Variants in UEVLD observed in about 807,000 individuals in gnomAD.
UEVLD encodes the protein ubiquitin-conjugating enzyme E2 variant 3.
UEVLD carries 47 observed loss-of-function variants against 58.6 expected under a neutral mutation model. The ratio of observed to expected loss-of-function variants is 0.80; its 90% CI spans 0.63 to 1.02. The LOEUF is 1.02. Among genes scored for constraint, UEVLD ranks in the 50% least tolerant of loss-of-function variants. UEVLD has a pLI of 0.00. For missense variants in UEVLD, 510 were observed against 550.6 expected (o/e 0.93, Z 0.74); for synonymous variants, 197 against 195.3 (o/e 1.01, Z -0.07).
intron 6 of UEVLD, among the ~76,000 whole-genome samples, chr11:18,559,305 TCTC>T (rs1166476916): frequency 3.3e-5 from 5 of 152,162 alleles, no homozygotes; most frequent in Non-Finnish European, 7.4e-5. Flanking sequence ...TTCAAGCGAT[TCTC>T]CTGTCTCAGC....
At chr11:18,546,801 A>G in intron 8 of UEVLD, 79 bp downstream of exon 8, 1 of 1,537,442 alleles carries the variant, frequency 6.5e-7, no homozygotes, top group Non-Finnish European at 8.8e-7. Flanking sequence ...CAGGCCCTAA[A>G]GTTTTATGGT....
chr11:18,563,295 A>G (rs570212721), intron 6 of UEVLD, among the ~76,000 whole-genome samples: 7 of 152,128 alleles, frequency 4.6e-5, no homozygotes, highest in Admixed American at 4.6e-4. Context: ...ATTTTTTAAA[A>G]TTATGTACAA....
intron 8 of UEVLD, among the ~76,000 whole-genome samples, chr11:18,545,209 A>G (rs1411176985): frequency 6.7e-6 from 1 of 149,036 alleles, no homozygotes; most frequent in Non-Finnish European, 1.5e-5. Flanking sequence ...AGTAGCTGGG[A>G]CTATAGGCAC....
At chr11:18,587,335 A>G (rs1017126902) in intron 1 of UEVLD, among the ~76,000 whole-genome samples, 22 of 152,232 alleles carry the variant, frequency 1.4e-4, no homozygotes, top group Admixed American at 5.9e-4. Flanking sequence ...TTCCTACAAG[A>G]TCTGCACCTG....
chr11:18,584,360 G>A (rs902723524), intron 1 of UEVLD, among the ~76,000 whole-genome samples: 4 of 152,116 alleles, frequency 2.6e-5, no homozygotes, highest in African/African-American at 9.7e-5. Flanking sequence ...TCCAGCCTGG[G>A]AGACGGAGCA....
At chr11:18,559,203 T>G (rs1186250647) in intron 6 of UEVLD, among the ~76,000 whole-genome samples, 2 of 148,856 alleles carry the variant, frequency 1.3e-5, no homozygotes, top group African/African-American at 2.5e-5. Flanking sequence ...TTCTTTTCTT[T>G]TCTTTTTTTT....
chr11:18,557,349 T>C (rs1851797328), intron 7 of UEVLD, among the ~76,000 whole-genome samples: 1 of 151,852 alleles, frequency 6.6e-6, no homozygotes, highest in Admixed American at 6.6e-5. Context: ...AGATGGGGTT[T>C]CACCATGTTT....
At chr11:18,552,730 A>G (rs1296723913) in intron 7 of UEVLD, among the ~76,000 whole-genome samples, 2 of 151,578 alleles carry the variant, frequency 1.3e-5, no homozygotes, top group African/African-American at 2.4e-5. Context: ...GTGTGGTGGC[A>G]CACAATTGTA....
intron 9 of UEVLD, among the ~76,000 whole-genome samples, chr11:18,537,064 T>C (rs1423229994): frequency 1.3e-5 from 2 of 151,466 alleles, no homozygotes; most frequent in African/African-American, 4.9e-5. Flanking sequence ...CCCTGCTAAT[T>C]TTTGTGTGTG....
chr11:18,560,090 T>TCTACACAC (rs533500125), intron 6 of UEVLD, among the ~76,000 whole-genome samples: 1 of 76,108 alleles, frequency 1.3e-5, no homozygotes, highest in African/African-American at 4.2e-5. Context: ...ACCCCGTCTC[T>TCTACACAC]ACACACACAC....
intron 6 of UEVLD, among the ~76,000 whole-genome samples, chr11:18,560,832 G>A (rs1158023974): frequency 1.3e-5 from 2 of 152,050 alleles, no homozygotes; most frequent in African/African-American, 4.8e-5. Context: ...CCAACATGGT[G>A]AAACCCTGTC....
At chr11:18,556,821 G>A (rs556553195) in intron 7 of UEVLD, among the ~76,000 whole-genome samples, 8 of 152,034 alleles carry the variant, frequency 5.3e-5, no homozygotes, top group South Asian at 2.1e-4. Context: ...GGCAGGGTGC[G>A]GTGGCTCATG....
At chr11:18,582,771 G>A (rs1365502787) in intron 1 of UEVLD, among the ~76,000 whole-genome samples, 2 of 152,026 alleles carry the variant, frequency 1.3e-5, no homozygotes, top group Non-Finnish European at 1.5e-5. Context: ...GTGCTTAAAG[G>A]GTACAGGTAC....
intron 2 of UEVLD, among the ~76,000 whole-genome samples, chr11:18,577,887 A>AG (rs1468090584): frequency 1.1e-4 from 16 of 151,376 alleles, no homozygotes; most frequent in Admixed American, 2.0e-4. Context: ...AAAAAAAAAA[A>AG]AAAGAAAGAT....
At chr11:18,581,520 C>T (rs1853238559) in intron 1 of UEVLD, among the ~76,000 whole-genome samples, 2 of 151,880 alleles carry the variant, frequency 1.3e-5, no homozygotes, top group Non-Finnish European at 1.5e-5. Flanking sequence ...CCCGTCTCAA[C>T]TAAAAATACA....
intron 7 of UEVLD, among the ~76,000 whole-genome samples, chr11:18,549,910 C>T (rs1178778920): frequency 6.6e-6 from 1 of 151,910 alleles, no homozygotes; most frequent in East Asian, 1.9e-4. Flanking sequence ...CAACCTCTGC[C>T]TCCTGGGTTC....
At chr11:18,587,315 G>A (rs1853627779) in intron 1 of UEVLD, among the ~76,000 whole-genome samples, 1 of 152,096 alleles carries the variant, frequency 6.6e-6, no homozygotes, top group Admixed American at 6.6e-5. Flanking sequence ...GTAGCATTAT[G>A]ATACTTCTCT....
chr11:18,546,779 G>T, intron 8 of UEVLD, 101 bp downstream of exon 8: 1 of 1,328,902 alleles, frequency 7.5e-7, no homozygotes, highest in East Asian at 2.5e-5. Context: ...TTACTGGTGT[G>T]AGCCACTGTG....
At position 18,588,725 on chromosome 11, in the gene UEVLD, G is replaced by C. The variant is rs1853732933; in HGVS notation, c.-71C>G. ...CCTTCTTCCGGACTTGCTGCAGGAC[G>C]GAAGCCGCTGAGGACCAAACTTCCC... is the stretch of plus-strand genomic sequence containing the variant. On this transcript the variant is annotated 5_prime_UTR_variant, in exon 1 of 12. Coordinates refer to ENST00000396197, the MANE Select transcript of UEVLD (RefSeq NM_001040697.4). 15 of 1,548,086 alleles carry C rather than the reference G, an allele frequency of 9.7e-6. No individual in the cohort carries two copies. The highest frequency in any genetic ancestry group is 1.2e-5 in the Non-Finnish European group (14 of 1,149,784).
Sources: allele counts gnomAD v4.1 joint callset (sites outside exome capture counted in the v4.1 genomes callset), GRCh38; gene constraint gnomAD v4.1.1; transcripts MANE v1.5; gene names NCBI Gene and HGNC (gene_info 2026-07-23, HGNC 2026-07-21).